The following SSUH2 variants were observed in gnomAD, a reference collection of about 807,000 sequenced individuals.
The protein encoded by SSUH2 is protein SSUH2 homolog.
A neutral mutation model predicts 55.3 loss-of-function variants in SSUH2; 47 were observed. The ratio of observed to expected loss-of-function variants is 0.85; its 90% CI spans 0.67 to 1.08. SSUH2 has a LOEUF of 1.08. SSUH2 is among the 50% of genes least tolerant of loss of function. SSUH2 has a pLI of 0.00. For synonymous variants in SSUH2, 212 were observed against 191.5 expected, an observed-to-expected ratio of 1.11 and a Z score of -0.89; for missense variants, 535 against 490.7, an observed-to-expected ratio of 1.09 and a Z score of -0.85.
upstream of SSUH2, among the ~76,000 whole-genome samples, chr3:8,647,689 T>C (rs996919812): frequency 1.3e-5 from 2 of 152,280 alleles, no homozygotes; most frequent in Middle Eastern, 3.4e-3. Context: ...ATTCATCCAG[T>C]GAATGCTCCC....
At chr3:8,620,281 A>C (rs1051440003) in intron 11 of SSUH2, among the ~76,000 whole-genome samples, 1 of 152,096 alleles carries the variant, frequency 6.6e-6, no homozygotes. Flanking sequence ...AGTAAGTCTC[A>C]CGAGATCTGA....
chr3:8,627,862 TC>T, intron 7 of SSUH2, 79 bp from the exon 8 acceptor site: 1 of 1,344,774 alleles, frequency 7.4e-7, no homozygotes, highest in South Asian at 1.4e-5. Flanking sequence ...CTGGTTCAAA[TC>T]CCAGCCTGGT....
At chr3:8,631,954 A>G in intron 5 of SSUH2, 95 bp downstream of exon 5, 1 of 973,288 alleles carries the variant, frequency 1.0e-6, no homozygotes, top group Non-Finnish European at 1.7e-6. Flanking sequence ...AGACCATCTT[A>G]TTTGAGATGA....
At chr3:8,679,448 G>T (rs1263732004) in intron 2 of SSUH2, among the ~76,000 whole-genome samples, 22 of 139,506 alleles carry the variant, frequency 1.6e-4, no homozygotes, top group Admixed American at 1.3e-3. Flanking sequence ...ATCACAGCGG[G>T]GGGAGGCACC....
At chr3:8,630,213 T>C (rs1698477963) in intron 6 of SSUH2, among the ~76,000 whole-genome samples, 1 of 152,322 alleles carries the variant, frequency 6.6e-6, no homozygotes, top group Admixed American at 6.5e-5. Flanking sequence ...CTCTTTATCT[T>C]AGAACTCTGT....
At chr3:8,667,817 T>A (rs1431929224) in intron 5 of SSUH2, among the ~76,000 whole-genome samples, 1 of 152,118 alleles carries the variant, frequency 6.6e-6, no homozygotes, top group Non-Finnish European at 1.5e-5. Context: ...AAGACAGCAC[T>A]TTGGTGATCC....
Position 8,656,590 on chromosome 3 carries a change from G to A in SSUH2, c.-307+2335C>T, listed in dbSNP as rs113632617. 4.1e-3 allele frequency among the ~76,000 whole-genome samples: 632 copies of A among 152,314 alleles called. 3 individuals carry two copies. The highest frequency in any genetic ancestry group is 0.014 in the African/African-American group (598 of 41,560). ...GGCTGGGGACACGACGGGGAGCGAG[G>A]AAGACACAACCCCTGCCCATGTGGA... On this transcript the variant is annotated intron_variant, in intron 7 of 18. Coordinates refer to the SSUH2 transcript ENST00000317371.
intron 3 of SSUH2, chr3:8,634,369 C>T: frequency 2.3e-6 from 3 of 1,290,372 alleles, no homozygotes; most frequent in Non-Finnish European, 3.0e-6. Context: ...CCTGGAAGTC[C>T]CTTCCCTGAG....
intron 5 of SSUH2, among the ~76,000 whole-genome samples, chr3:8,666,412 T>C (rs1703995580): frequency 6.6e-6 from 1 of 152,136 alleles, no homozygotes; most frequent in African/African-American, 2.4e-5. Context: ...GCTGGGCTCC[T>C]GAGATGCAGA....
At chr3:8,633,911 C>A in intron 3 of SSUH2, 116 bp from the exon 4 acceptor site, 2 of 1,613,996 alleles carry the variant, frequency 1.2e-6, no homozygotes, top group Non-Finnish European at 1.7e-6. Flanking sequence ...AGTGGTAAAG[C>A]CCTCAGCAGT....
intron 10 of SSUH2, 26 bp from the exon 11 acceptor site, chr3:8,623,682 AC>A: frequency 7.9e-7 from 1 of 1,265,868 alleles, no homozygotes; most frequent in Non-Finnish European, 1.1e-6. Flanking sequence ...AGAGACACAG[AC>A]CACCTGGCTG....
chr3:8,652,569 A>G lies in SSUH2; in HGVS notation c.-307+6356T>C, dbSNP rs9879151. Reference sequence around the variant, plus strand: ...TTTCCTGCCTACTTAGATCTGATTAAGTGTCTTGCTTCAAATCTTTTATGG... The same window carrying G: ...TTTCCTGCCTACTTAGATCTGATTAGGTGTCTTGCTTCAAATCTTTTATGG... On this transcript the variant is annotated intron_variant, in intron 7 of 18. Transcript: ENST00000317371. 7.8e-3 allele frequency among the ~76,000 whole-genome samples: 1,192 copies of G among 152,318 alleles called. 19 individuals are homozygous for G. Among genetic ancestry groups the G allele is most frequent in the African/African-American group, 0.027 (1,129 of 41,556 alleles).
upstream of SSUH2, among the ~76,000 whole-genome samples, chr3:8,647,004 G>A (rs1701759966): frequency 6.6e-6 from 1 of 152,234 alleles, no homozygotes; most frequent in Non-Finnish European, 1.5e-5. Context: ...TCAATTGATT[G>A]CTGTCTAAGA....
Position 8,620,807 on chromosome 3 carries a change from G to A in SSUH2, c.982-793C>T, listed in dbSNP as rs73141749. On this transcript the variant is annotated intron_variant, in intron 11 of 11. Transcript: ENST00000544814. Reference sequence around the variant, plus strand: ...AACAACCACAGAGGTATTAGGAAGCGGTTTCTAACATTTGAATCAAATTTT... The same window carrying A: ...AACAACCACAGAGGTATTAGGAAGCAGTTTCTAACATTTGAATCAAATTTT... 8.8e-3 allele frequency among the ~76,000 whole-genome samples: 1,338 copies of A among 152,298 alleles called. 18 individuals are homozygous for A. The highest frequency in any genetic ancestry group is 0.03 in the African/African-American group (1,250 of 41,566).
At chr3:8,647,370 C>T (rs1701816499), upstream of SSUH2, among the ~76,000 whole-genome samples, 1 of 152,218 alleles carries the variant, frequency 6.6e-6, no homozygotes, top group African/African-American at 2.4e-5. Context: ...GGACTGAGCT[C>T]TTTGGAAGAA....
chr3:8,656,548 C>T (rs13097948), intron 7 of SSUH2, among the ~76,000 whole-genome samples: 51,687 of 152,046 alleles, frequency 0.34, 9,683 homozygotes, highest in East Asian at 0.6. Flanking sequence ...AGTCCTCATG[C>T]CCCACCATGT....
chr3:8,664,515 T>G (rs754311840), intron 5 of SSUH2, among the ~76,000 whole-genome samples: 1 of 152,200 alleles, frequency 6.6e-6, no homozygotes, highest in Non-Finnish European at 1.5e-5. Flanking sequence ...AAAGCATGTA[T>G]CCAAAAGTGT....
At chr3:8,629,031 A>ATT (rs560598917) in intron 7 of SSUH2, among the ~76,000 whole-genome samples, 1 of 150,434 alleles carries the variant, frequency 6.6e-6, no homozygotes, top group Non-Finnish European at 1.5e-5. Context: ...AATTTTTTGT[A>ATT]TTTTTTTTTA....
rs529883555 is a variant in SSUH2, at chr3:8,635,257, C to A, written c.209+43G>T. Reference sequence around the variant, plus strand: ...TGAGATCCTCAAGGGGCAATAGTGACATAGGAAATGCACACAGTCACAGAG... The same window carrying A: ...TGAGATCCTCAAGGGGCAATAGTGAAATAGGAAATGCACACAGTCACAGAG... On this transcript the variant is annotated intron_variant, in intron 3 of 11. Transcript: ENST00000544814. 539 of 1,478,010 alleles carry A rather than the reference C, an allele frequency of 3.6e-4. 2 individuals are homozygous for A. The highest frequency in any genetic ancestry group is 2.4e-3 in the African/African-American group (171 of 71,852). 91.6% of individuals were successfully genotyped at this position (1,478,010 alleles called of 1,614,324 possible).
Sources: gnomAD v4.1 joint callset for allele counts (sites outside exome capture counted in the v4.1 genomes callset) on GRCh38, gnomAD v4.1.1 for gene constraint, MANE v1.5 for transcripts, NCBI Gene and HGNC (gene_info 2026-07-23, HGNC 2026-07-21) for gene names.